The following LNX2 variants were observed in gnomAD, a reference collection of about 807,000 sequenced individuals.
LNX2 encodes the protein ligand of numb-protein X 2, also known as ligand of Numb protein X 2.
Under a neutral mutation model 66.2 loss-of-function variants are expected in LNX2, and 35 were observed. The observed-to-expected ratio is 0.53, with a 90% CI of 0.40 to 0.70. The LOEUF (loss-of-function observed/expected upper bound fraction) is 0.70. Ranked by LOEUF, LNX2 falls within the 30% of genes least tolerant of loss-of-function variation. The pLI, the probability that LNX2 is intolerant of heterozygous loss-of-function variation, is 0.00. For synonymous variants in LNX2, 337 were observed against 315.6 expected, an observed-to-expected ratio of 1.07 and a Z score of -0.72; for missense variants, 791 against 850.8, an observed-to-expected ratio of 0.93 and a Z score of 0.87.
intron 1 of LNX2, among the ~76,000 whole-genome samples, chr13:27,602,851 T>G (rs1206572137): frequency 6.6e-6 from 1 of 151,800 alleles, no homozygotes; most frequent in African/African-American, 2.4e-5. Flanking sequence ...GTCTTTTTAA[T>G]TTTAGCCATT....
At chr13:27,609,187 C>T (rs1453058963) in intron 1 of LNX2, among the ~76,000 whole-genome samples, 1 of 146,602 alleles carries the variant, frequency 6.8e-6, no homozygotes, top group Admixed American at 7.0e-5. Context: ...GAGTCTCGCT[C>T]TGTTGCCCAG....
intron 1 of LNX2, among the ~76,000 whole-genome samples, chr13:27,613,303 G>A (rs1955792418): frequency 6.6e-6 from 1 of 151,678 alleles, no homozygotes; most frequent in African/African-American, 2.4e-5. Flanking sequence ...GGAACAGAAG[G>A]ACTGGCACAC....
intron 4 of LNX2, among the ~76,000 whole-genome samples, chr13:27,566,962 C>A (rs1955213696): frequency 6.6e-6 from 1 of 152,180 alleles, no homozygotes; most frequent in Non-Finnish European, 1.5e-5. Flanking sequence ...CTCATCTCAA[C>A]TTGCCCTCTA....
In LNX2 at chr13:27,583,241, TGTGTGTGTGTGTGTGC is replaced by T. The variant is rs1955435938; in HGVS notation, c.-100-1454_-100-1439del. Among the ~76,000 whole-genome samples the T allele has an allele frequency of 3.9e-4, 8 of 20,542 alleles. 1 individual carries two copies. Among genetic ancestry groups the T allele is most frequent in the Admixed American group, 3.0e-3 (5 of 1,672 alleles). The allele number at this position is 20,542 out of a possible 152,430, so 13.5% of individuals were successfully genotyped here. A position where few individuals can be genotyped will look rare whatever the true frequency, so the allele number is the denominator to read the frequency against. On this transcript the variant is annotated intron_variant, in intron 1 of 9. Transcript: ENST00000316334. The stretch of plus-strand genomic sequence containing the variant: ...GTGTGTGTGTGTGTGTGTGTGTGTG[TGTGTGTGTGTGTGTGC>T]GCGCGTCCTCTCCAACATACTTATT...
intron 1 of LNX2, among the ~76,000 whole-genome samples, chr13:27,593,564 T>A (rs74040817): frequency 1.2e-5 from 1 of 85,678 alleles, no homozygotes; most frequent in Non-Finnish European, 2.8e-5. Flanking sequence ...TGGCTGAAAC[T>A]TTTTTTTTTT....
At chr13:27,584,715 A>C (rs1298704260) in intron 1 of LNX2, among the ~76,000 whole-genome samples, 1 of 152,148 alleles carries the variant, frequency 6.6e-6, no homozygotes, top group African/African-American at 2.4e-5. Context: ...AAAGAAAAAC[A>C]TTAATGTTTT....
intron 1 of LNX2, 134 bp downstream of exon 1, chr13:27,620,241 C>A (rs1239539147): frequency 6.6e-6 from 1 of 152,120 alleles, no homozygotes; most frequent in African/African-American, 2.4e-5. Flanking sequence ...GGCTCCGGGG[C>A]GAGCTGTGGC....
At chr13:27,565,534 A>G (rs1418681850) in intron 4 of LNX2, among the ~76,000 whole-genome samples, 1 of 152,164 alleles carries the variant, frequency 6.6e-6, no homozygotes, top group African/African-American at 2.4e-5. Flanking sequence ...CTAGGATGTA[A>G]ATAATACAAG....
intron 1 of LNX2, among the ~76,000 whole-genome samples, chr13:27,598,559 G>A (rs1420993250): frequency 6.6e-6 from 1 of 152,068 alleles, no homozygotes; most frequent in Non-Finnish European, 1.5e-5. Context: ...CTGGGATGGA[G>A]AATTAACAGA....
chr13:27,596,203 G>GA lies in LNX2; in HGVS notation c.-100-14401dup, dbSNP rs1593259719. Among the ~76,000 whole-genome samples the GA allele has an allele frequency of 3.3e-5, 5 of 152,130 alleles. No individual in the cohort carries two copies. In the South Asian group the frequency reaches 1.0e-3, roughly 32 times the overall value. On this transcript the variant is annotated intron_variant, in intron 1 of 9. Transcript: ENST00000316334. ...ATGAACAGTATAGCCTAGAGATACT[G>GA]AAAAAATTAAGAAAAAGTTAGGTAT...
intron 4 of LNX2, among the ~76,000 whole-genome samples, chr13:27,567,381 G>C (rs1440754724): frequency 6.6e-6 from 1 of 152,048 alleles, no homozygotes; most frequent in Non-Finnish European, 1.5e-5. Context: ...CCAAGGAAGA[G>C]TCTAGCTAGC....
chr13:27,583,201 T>TGCGCGCGCACGC (rs1566124631), intron 1 of LNX2, among the ~76,000 whole-genome samples: 15 of 14,024 alleles, frequency 1.1e-3, no homozygotes, highest in Admixed American at 3.1e-3. Context: ...TGTGTGTGTG[T>TGCGCGCGCACGC]GTGTGTGTGT....
intron 9 of LNX2, among the ~76,000 whole-genome samples, chr13:27,549,306 T>A (rs1236801208): frequency 6.6e-6 from 1 of 152,170 alleles, no homozygotes; most frequent in Admixed American, 6.5e-5. Context: ...AATGTCAACA[T>A]TTACTTTTTA....
intron 8 of LNX2, among the ~76,000 whole-genome samples, 184 bp from the exon 9 acceptor site, chr13:27,550,675 T>C (rs932040778): frequency 3.3e-5 from 5 of 152,068 alleles, no homozygotes; most frequent in Non-Finnish European, 7.4e-5. Flanking sequence ...TAGACTCAAA[T>C]TTCTCCAACT....
chr13:27,620,188 A>G (rs185650963), intron 1 of LNX2, among the ~76,000 whole-genome samples, 187 bp downstream of exon 1: 244 of 151,734 alleles, frequency 1.6e-3, no homozygotes, highest in African/African-American at 5.3e-3. Flanking sequence ...AGTCCACGCC[A>G]GCCCCGCAGC....
rs765562972 is a variant in LNX2 at position 27,581,563 on chromosome 13, G to A, written c.141C>T (p.Asp47=). The change falls in exon 2 of 10, where the codon GAC becomes GAT. Residue 47 remains aspartate, a synonymous_variant. Coordinates refer to ENST00000316334, the MANE Select transcript of LNX2 (RefSeq NM_153371.4). ...GTTGAAGGCAAATATGGCAGACTAGGTCATCATCCACTTCATTCTGGTAAT... is the reference window on the plus strand; with the variant it reads ...GTTGAAGGCAAATATGGCAGACTAGATCATCATCCACTTCATTCTGGTAAT... ...LYNYQNEVDD[D]LVCHICLQPL... is the part of the protein sequence containing the mutation. The A allele has an allele frequency of 3.1e-6, 5 of 1,614,078 alleles. No homozygotes were observed. In the Admixed American group the frequency reaches 5.0e-5, roughly 16 times the overall value.
intron 2 of LNX2, among the ~76,000 whole-genome samples, chr13:27,569,563 C>T (rs1220218493): frequency 6.6e-6 from 1 of 152,186 alleles, no homozygotes; most frequent in Non-Finnish European, 1.5e-5. Flanking sequence ...AGAAAACACC[C>T]TCATAGTCAT....
At chr13:27,588,405 G>A (rs546770473) in intron 1 of LNX2, among the ~76,000 whole-genome samples, 6 of 152,250 alleles carry the variant, frequency 3.9e-5, no homozygotes, top group South Asian at 2.1e-4. Flanking sequence ...GATTATGAGC[G>A]AAAAAAGCCA....
intron 1 of LNX2, among the ~76,000 whole-genome samples, chr13:27,618,610 C>G (rs1367582360): frequency 3.3e-5 from 5 of 152,188 alleles, no homozygotes; most frequent in East Asian, 1.9e-4. Context: ...ATTTCTTAAT[C>G]TGGTATAAAA....
Sources: allele counts gnomAD v4.1 joint callset (sites outside exome capture counted in the v4.1 genomes callset), GRCh38; gene constraint gnomAD v4.1.1; transcripts MANE v1.5; gene names NCBI Gene and HGNC (gene_info 2026-07-23, HGNC 2026-07-21).